DCAF8: variants seen among roughly 807,000 people sequenced by gnomAD.
DCAF8 encodes DDB1- and CUL4-associated factor 8.
A neutral mutation model predicts 68.0 loss-of-function variants in DCAF8; 20 were observed. The ratio of observed to expected loss-of-function variants is 0.29; its 90% CI spans 0.21 to 0.43. DCAF8 has a LOEUF of 0.43. DCAF8 is among the 20% of genes least tolerant of loss of function. The probability of loss-of-function intolerance (pLI) is 1.00; values close to 1 mark genes in which losing one functional copy is unlikely to be tolerated. For synonymous variants in DCAF8, 230 were observed against 276.9 expected (o/e 0.83, Z 1.68); for missense variants, 460 against 771.0 (o/e 0.60, Z 4.78).
chr1:160,258,501 C>A (rs1325218873), intron 2 of DCAF8, among the ~76,000 whole-genome samples: 1 of 151,644 alleles, frequency 6.6e-6, no homozygotes, highest in Non-Finnish European at 1.5e-5. Context: ...ATAAAAATAT[C>A]TTCAAGCTGG....
intron 2 of DCAF8, among the ~76,000 whole-genome samples, chr1:160,255,821 T>C (rs1251237770): frequency 6.6e-6 from 1 of 151,582 alleles, no homozygotes; most frequent in African/African-American, 2.4e-5. Flanking sequence ...GGTTTTGCTA[T>C]GTTGGCTAGG....
intron 2 of DCAF8, among the ~76,000 whole-genome samples, chr1:160,245,489 G>A (rs527915884): frequency 6.6e-6 from 1 of 152,258 alleles, no homozygotes; most frequent in South Asian, 2.1e-4. Context: ...AATCTAAGCT[G>A]CTTCATTAAA....
intron 2 of DCAF8, among the ~76,000 whole-genome samples, chr1:160,256,106 G>GC (rs1204327024): frequency 7.3e-6 from 1 of 136,984 alleles, no homozygotes. Flanking sequence ...TCCCAACTCA[G>GC]CCCCCCGAGT....
At chr1:160,251,141 AAAG>A (rs1394409137) in intron 2 of DCAF8, among the ~76,000 whole-genome samples, 4 of 152,194 alleles carry the variant, frequency 2.6e-5, no homozygotes, top group Admixed American at 6.5e-5. Flanking sequence ...ATTTCCTCTG[AAAG>A]AAGAAGGTGA....
chr1:160,231,462 A>G (rs1374041623), intron 6 of DCAF8, 55 bp from the exon 7 acceptor site: 2 of 1,342,162 alleles, frequency 1.5e-6, no homozygotes, highest in African/African-American at 2.9e-5. Flanking sequence ...CCAAATGGTC[A>G]TGGCAAAGGA....
chr1:160,257,234 A>G (rs1239286238), intron 2 of DCAF8, among the ~76,000 whole-genome samples: 2 of 152,134 alleles, frequency 1.3e-5, no homozygotes, highest in Admixed American at 6.5e-5. Context: ...GTGAGGGTAA[A>G]CAGCAGATTA....
intron 1 of DCAF8, 52 bp downstream of exon 1, chr1:160,262,396 TC>T (rs1657141691): frequency 2.5e-6 from 1 of 400,350 alleles, no homozygotes; most frequent in Non-Finnish European, 4.4e-6. Flanking sequence ...CTCCGACTGT[TC>T]CAGGCCCAGC....
intron 12 of DCAF8, among the ~76,000 whole-genome samples, 200 bp downstream of exon 12, chr1:160,218,649 C>T (rs906563020): frequency 6.6e-6 from 1 of 152,204 alleles, no homozygotes; most frequent in Non-Finnish European, 1.5e-5. Flanking sequence ...TTATCCCCAT[C>T]CTATTACAAA....
intron 5 of DCAF8, among the ~76,000 whole-genome samples, 159 bp downstream of exon 5, chr1:160,238,448 C>T (rs139690630): frequency 3.9e-4 from 59 of 152,292 alleles, no homozygotes; most frequent in African/African-American, 1.4e-3. Flanking sequence ...TTTAGGGTGG[C>T]TGCTTTTGCT....
At chr1:160,237,583 G>GT (rs1203134011) in intron 5 of DCAF8, among the ~76,000 whole-genome samples, 1 of 152,160 alleles carries the variant, frequency 6.6e-6, no homozygotes, top group Non-Finnish European at 1.5e-5. Context: ...CTGAAGTGCA[G>GT]TGGCATGATC....
At chr1:160,223,063 C>A (rs1022225433) in intron 10 of DCAF8, among the ~76,000 whole-genome samples, 1 of 152,194 alleles carries the variant, frequency 6.6e-6, no homozygotes, top group Non-Finnish European at 1.5e-5. Flanking sequence ...TCTTACCTGT[C>A]CCACCCTGAA....
chr1:160,242,996 T>TA (rs1053713979), intron 3 of DCAF8, among the ~76,000 whole-genome samples: 1 of 152,108 alleles, frequency 6.6e-6, no homozygotes, highest in Non-Finnish European at 1.5e-5. Flanking sequence ...TATGGAGCAA[T>TA]AAAAAAGCAT....
Position 160,240,090 on chromosome 1 carries a change from T to C in DCAF8, c.330A>G (p.Glu110=), listed in dbSNP as rs570543933. ...GTACACGGCGCCGAGGCTGCTCTTC[T>C]TCCTCCTCTTCTTCCTCCTCTTCCT... is the stretch of plus-strand genomic sequence containing the variant. The part of the protein sequence containing the change: ...EEEEEEEEEE[E]EEQPRRRVQR... The change falls in exon 4 of 14, where the codon GAA becomes GAG. Residue 110 remains glutamate, a synonymous_variant. Transcript: ENST00000368074. The C allele has an allele frequency of 1.1e-5, 17 of 1,534,662 alleles. No individual in the cohort carries two copies. The South Asian group carries it at 1.7e-4, about 15-fold the overall frequency.
chr1:160,233,899 A>G (rs1046858790), intron 6 of DCAF8, among the ~76,000 whole-genome samples: 2 of 152,174 alleles, frequency 1.3e-5, no homozygotes, highest in Non-Finnish European at 1.5e-5. Context: ...GGAGGAAAAA[A>G]TGTTCACATT....
At chr1:160,236,384 G>A (rs933586424) in intron 6 of DCAF8, among the ~76,000 whole-genome samples, 8 of 151,474 alleles carry the variant, frequency 5.3e-5, no homozygotes, top group East Asian at 1.9e-4. Context: ...ATATGTGTGT[G>A]TATATATGTG....
chr1:160,239,050 G>C (rs1025479761), intron 4 of DCAF8: 2 of 582,720 alleles, frequency 3.4e-6, no homozygotes, highest in Non-Finnish European at 4.6e-6. Context: ...AGGAATAGAG[G>C]AGGAAAAATC....
At chr1:160,218,465 A>AG (rs749238271) in intron 12 of DCAF8, 25 bp from the exon 13 acceptor site, 10 of 1,578,734 alleles carry the variant, frequency 6.3e-6, no homozygotes, top group Non-Finnish European at 7.0e-6. Context: ...GGTTGGGAAG[A>AG]GGGGGCAGCA....
Position 160,216,464 on chromosome 1 carries a change from G to C in DCAF8, c.*1128C>G, listed in dbSNP as rs1395714937. 3 of 152,428 alleles carry C rather than the reference G, an allele frequency of 2.0e-5. No homozygotes were observed. Among genetic ancestry groups the C allele is most frequent in the Non-Finnish European group, 4.4e-5 (3 of 68,046 alleles). The allele number at this position is 152,428 out of a possible 1,614,324, so 9.4% of individuals were successfully genotyped here. A position where few individuals can be genotyped will look rare whatever the true frequency, so the allele number is the denominator to read the frequency against. On this transcript the variant is annotated 3_prime_UTR_variant, in exon 14 of 14. Transcript: ENST00000368074. ...CCCCTACAAGACTTAAGGAGAGGTA[G>C]GAGATCTGAGGCAGAGCTGAGAGGA... is the stretch of plus-strand genomic sequence containing the variant.
At chr1:160,260,692 C>T (rs1657051681) in intron 2 of DCAF8, among the ~76,000 whole-genome samples, 1 of 151,840 alleles carries the variant, frequency 6.6e-6, no homozygotes, top group Non-Finnish European at 1.5e-5. Context: ...TTCAGACCAG[C>T]TACAAAAGAA....
Sources: gnomAD v4.1 joint callset for allele counts (sites outside exome capture counted in the v4.1 genomes callset) on GRCh38, gnomAD v4.1.1 for gene constraint, MANE v1.5 for transcripts, NCBI Gene and HGNC (gene_info 2026-07-23, HGNC 2026-07-21) for gene names.